Variants in CMKLR1 observed in about 807,000 individuals in gnomAD.
CMKLR1 encodes chemerin-like receptor 1.
Under a neutral mutation model 8.2 loss-of-function variants are expected in CMKLR1, and 6 were observed. The observed-to-expected ratio is 0.73, with a 90% CI of 0.40 to 1.44. The LOEUF is 1.44. Among genes scored for constraint, CMKLR1 ranks in the 40% most tolerant of loss-of-function variants. The pLI is 0.02. For synonymous variants in CMKLR1, 178 were observed against 181.2 expected (o/e 0.98, Z 0.14); for missense variants, 429 against 478.0 (o/e 0.90, Z 0.96).
intron 2 of CMKLR1, among the ~76,000 whole-genome samples, chr12:108,328,521 G>T (rs557921991): frequency 6.6e-6 from 1 of 152,332 alleles, no homozygotes; most frequent in East Asian, 1.9e-4. Flanking sequence ...CAGCCAGCAC[G>T]TGGCTGAAAT....
intron 1 of CMKLR1, among the ~76,000 whole-genome samples, chr12:108,333,094 T>A (rs978114485): frequency 3.3e-5 from 5 of 152,228 alleles, no homozygotes; most frequent in African/African-American, 1.2e-4. Flanking sequence ...TTCCTGTTTC[T>A]CTGACCCCTG....
chr12:108,333,939 C>T (rs1566031843), intron 1 of CMKLR1, among the ~76,000 whole-genome samples: 2 of 152,284 alleles, frequency 1.3e-5, no homozygotes, highest in Admixed American at 6.5e-5. Context: ...CTGAGTCCGG[C>T]GGCAGCTCAA....
intron 2 of CMKLR1, among the ~76,000 whole-genome samples, chr12:108,310,128 A>G (rs1891512019): frequency 1.3e-5 from 2 of 151,724 alleles, no homozygotes; most frequent in East Asian, 3.9e-4. Context: ...ACATACCTGC[A>G]GAGGAACAGA....
chr12:108,319,342 A>G (rs1258387053), intron 2 of CMKLR1, among the ~76,000 whole-genome samples: 1 of 152,224 alleles, frequency 6.6e-6, no homozygotes, highest in Non-Finnish European at 1.5e-5. Context: ...TGAAAGTCAG[A>G]GAGGTCAAGC....
At chr12:108,305,156 A>G (rs775217979) in intron 2 of CMKLR1, among the ~76,000 whole-genome samples, 9 of 152,178 alleles carry the variant, frequency 5.9e-5, no homozygotes, top group Non-Finnish European at 1.2e-4. Context: ...AAATCATAGA[A>G]AAGAGGGACT....
rs750138727 is a variant in CMKLR1, at chr12:108,292,243, G to A, written c.720C>T (p.Tyr240=). The change falls in exon 4 of 4, where the codon TAC becomes TAT. Residue 240 remains tyrosine, a synonymous_variant. Transcript: ENST00000550402. ...GCTGCAGTTTGCACACGATGGTGAG[G>A]TAGCAAGCTGTGATGATGAGGACTG... ...LVPVLIITAC[Y]LTIVCKLQRN... is the part of the protein sequence containing the mutation. 1.4e-5 allele frequency: 22 copies of A among 1,614,092 alleles called. No individual in the cohort carries two copies. The highest frequency in any genetic ancestry group is 1.9e-5 in the Non-Finnish European group (22 of 1,179,974).
chr12:108,336,533 G>A (rs570275056), intron 1 of CMKLR1, among the ~76,000 whole-genome samples: 10 of 150,906 alleles, frequency 6.6e-5, no homozygotes, highest in African/African-American at 1.7e-4. Flanking sequence ...GCGACAGAGC[G>A]AGACTCCATC....
At position 108,288,346 on chromosome 12, in the gene CMKLR1, C is replaced by T. The variant is rs1453974194; in HGVS notation, c.*3495G>A. On this transcript the variant is annotated 3_prime_UTR_variant, in exon 4 of 4. Transcript: ENST00000550402. ...CGTTTTGCAGAGTCCTCAGGGGAAG[C>T]TCTCAAAACCTCAGTTCCCTCATCT... The T allele has an allele frequency of 6.6e-6, 1 of 152,242 alleles. No homozygotes were observed. The highest frequency in any genetic ancestry group is 2.4e-5 in the African/African-American group (1 of 41,456). 9.4% of individuals were successfully genotyped at this position (152,242 alleles called of 1,614,324 possible). A position where few individuals can be genotyped will look rare whatever the true frequency, so the allele number is the denominator to read the frequency against.
intron 2 of CMKLR1, among the ~76,000 whole-genome samples, chr12:108,307,459 A>C (rs2138270): frequency 0.75 from 113,367 of 152,110 alleles, 42,610 homozygotes; most frequent in African/African-American, 0.84. Context: ...GAGATACCTG[A>C]AAAGTGGCAA....
At chr12:108,315,378 C>T (rs558427118) in intron 2 of CMKLR1, among the ~76,000 whole-genome samples, 1 of 152,316 alleles carries the variant, frequency 6.6e-6, no homozygotes, top group African/African-American at 2.4e-5. Flanking sequence ...CCACAACAAT[C>T]CCTGTTTATG....
chr12:108,322,796 A>G (rs1296917082), intron 2 of CMKLR1, among the ~76,000 whole-genome samples: 2 of 152,188 alleles, frequency 1.3e-5, no homozygotes, highest in South Asian at 2.1e-4. Context: ...CTGCAGAACC[A>G]TGAGCAAAAT....
At chr12:108,295,279 A>T (rs555547787) in intron 2 of CMKLR1, among the ~76,000 whole-genome samples, 96 of 152,384 alleles carry the variant, frequency 6.3e-4, no homozygotes, top group South Asian at 1.4e-3. Context: ...ATGCCCAAGC[A>T]TGCAGGCAGG....
chr12:108,303,784 C>T (rs1452879327), intron 2 of CMKLR1, among the ~76,000 whole-genome samples: 1 of 152,248 alleles, frequency 6.6e-6, no homozygotes, highest in Non-Finnish European at 1.5e-5. Context: ...TTTTCTCCCC[C>T]AGGTCCCTCT....
intron 2 of CMKLR1, among the ~76,000 whole-genome samples, chr12:108,324,049 C>T (rs1157925080): frequency 6.6e-6 from 1 of 152,132 alleles, no homozygotes; most frequent in Non-Finnish European, 1.5e-5. Flanking sequence ...GTCTAGGGCT[C>T]CAGCAGGGAG....
At chr12:108,313,163 G>A (rs1483452446) in intron 2 of CMKLR1, among the ~76,000 whole-genome samples, 1 of 152,132 alleles carries the variant, frequency 6.6e-6, no homozygotes, top group African/African-American at 2.4e-5. Flanking sequence ...AGGAGGGGCA[G>A]GCTGCCCTTC....
Position 108,292,130 on chromosome 12 carries a change from G to C in CMKLR1, c.833C>G (p.Thr278Arg). ...GTGGTGGAGCTCTAGGAGGTTGAGT[G>C]TGTGGTAGGGGCACCAGCAGAGGAA... ...TFFLCWCPYH[T>R]LNLLELHHTA... is the part of the protein sequence containing the mutation. The change falls in exon 4 of 4, where the codon ACA becomes AGA. Residue 278 changes from threonine (T) to arginine (R), a missense_variant. By Grantham distance (71) the Thr-to-Arg change is moderately conservative (BLOSUM62 -1). Transcript: ENST00000550402. 1 of 1,614,186 alleles carries C rather than the reference G, an allele frequency of 6.2e-7. No individual in the cohort carries two copies.
rs777090846 is a variant in CMKLR1 at position 108,288,611 on chromosome 12, G to A, written c.*3230C>T. The A allele has an allele frequency of 5.3e-5, 8 of 152,252 alleles. No individual in the cohort carries two copies. The highest frequency in any genetic ancestry group is 7.3e-5 in the Non-Finnish European group (5 of 68,104). 9.4% of individuals were successfully genotyped at this position (152,252 alleles called of 1,614,324 possible). On this transcript the variant is annotated 3_prime_UTR_variant, in exon 4 of 4. Coordinates refer to ENST00000550402, the MANE Select transcript of CMKLR1 (RefSeq NM_001142343.2). ...GACCCAGGAACCTGCAGGGCTCTGT[G>A]CGCTCTGGGAATTATCTAAGGCTGG...
chr12:108,303,831 A>T (rs1891338940), intron 2 of CMKLR1, among the ~76,000 whole-genome samples: 1 of 152,192 alleles, frequency 6.6e-6, no homozygotes, highest in Non-Finnish European at 1.5e-5. Context: ...AATGCCTCCA[A>T]TCTCGGTTAC....
At chr12:108,315,293 A>G (rs1891693320) in intron 2 of CMKLR1, among the ~76,000 whole-genome samples, 1 of 152,164 alleles carries the variant, frequency 6.6e-6, no homozygotes, top group Non-Finnish European at 1.5e-5. Flanking sequence ...ATCTGTGAAC[A>G]TATTTTATGA....
Sources: gnomAD v4.1 joint callset for allele counts (sites outside exome capture counted in the v4.1 genomes callset) on GRCh38, gnomAD v4.1.1 for gene constraint, MANE v1.5 for transcripts, NCBI Gene and HGNC (gene_info 2026-07-23, HGNC 2026-07-21) for gene names.